LRP1B: variants seen among roughly 807,000 people sequenced by gnomAD.
The protein encoded by LRP1B is low-density lipoprotein receptor-related protein 1B.
Under a neutral mutation model 556.6 loss-of-function variants are expected in LRP1B, and 217 were observed. The observed-to-expected ratio is 0.39, with a 90% CI of 0.35 to 0.44. LRP1B has a LOEUF of 0.44. LRP1B is among the 20% of genes least tolerant of loss of function. The pLI, the probability that LRP1B is intolerant of heterozygous loss-of-function variation, is 1.00. For synonymous variants in LRP1B, 2,047 were observed against 1,865.8 expected (o/e 1.10, Z -2.50); for missense variants, 5,053 against 5,620.8 (o/e 0.90, Z 3.23).
At chr2:141,968,324 C>T (rs1278149724) in intron 1 of LRP1B, among the ~76,000 whole-genome samples, 2 of 151,640 alleles carry the variant, frequency 1.3e-5, no homozygotes, top group African/African-American at 4.8e-5. Context: ...TTAACAGTGC[C>T]CTTCTACTGC....
chr2:140,257,170 TTTAA>T (rs143237308), intron 86 of LRP1B, among the ~76,000 whole-genome samples: 5,946 of 152,220 alleles, frequency 0.039, 125 homozygotes, highest in South Asian at 0.083. Context: ...TAGGTTGAAG[TTTAA>T]TTAATCTAGT....
chr2:141,487,517 G>C (rs113424273), intron 2 of LRP1B, among the ~76,000 whole-genome samples: 1 of 152,200 alleles, frequency 6.6e-6, no homozygotes, highest in South Asian at 2.1e-4. Flanking sequence ...AAATTATAAT[G>C]GTTCTCAATT....
chr2:141,199,629 A>G (rs1419219745), intron 6 of LRP1B, among the ~76,000 whole-genome samples: 1 of 151,626 alleles, frequency 6.6e-6, no homozygotes, highest in Non-Finnish European at 1.5e-5. Context: ...AAAAAGGCAA[A>G]GACACTTATT....
chr2:141,011,071 C>CAGAGAGAG (rs143409764), intron 14 of LRP1B, among the ~76,000 whole-genome samples: 157 of 142,812 alleles, frequency 1.1e-3, no homozygotes, highest in Middle Eastern at 3.7e-3. Context: ...TGTATTCTCT[C>CAGAGAGAG]AGAGAGAGAG....
intron 1 of LRP1B, among the ~76,000 whole-genome samples, chr2:141,873,923 CTCTTT>C (rs1395604668): frequency 1.3e-5 from 2 of 151,756 alleles, no homozygotes; most frequent in African/African-American, 4.8e-5. Context: ...CTAGAACACT[CTCTTT>C]TAACAAGAAG....
At chr2:140,801,364 G>A (rs931548596) in intron 32 of LRP1B, among the ~76,000 whole-genome samples, 2 of 152,102 alleles carry the variant, frequency 1.3e-5, no homozygotes, top group African/African-American at 4.8e-5. Context: ...CACACTCAAG[G>A]AACAACAAGG....
intron 2 of LRP1B, among the ~76,000 whole-genome samples, chr2:141,695,925 G>T (rs1410720922): frequency 1.3e-5 from 2 of 151,800 alleles, no homozygotes; most frequent in Admixed American, 1.3e-4. Context: ...TCTGTTTATG[G>T]ATTGAAATAA....
At position 141,631,756 on chromosome 2, in the gene LRP1B, G is replaced by A. The variant is rs1052153063; in HGVS notation, c.206-151223C>T. Among the ~76,000 whole-genome samples the A allele has an allele frequency of 6.6e-5, 10 of 152,104 alleles. No individual in the cohort carries two copies. The East Asian group carries it at 1.7e-3, about 26-fold the overall frequency. On this transcript the variant is annotated intron_variant, in intron 2 of 90. Transcript: ENST00000389484. ...CTTCTTTGCTCTGCTTATTAAAGCAGCTTTTCTACATCTTTGATGGGATGC... is the reference window on the plus strand; with the variant it reads ...CTTCTTTGCTCTGCTTATTAAAGCAACTTTTCTACATCTTTGATGGGATGC...
At chr2:141,964,761 A>C (rs954257194) in intron 1 of LRP1B, among the ~76,000 whole-genome samples, 1 of 152,012 alleles carries the variant, frequency 6.6e-6, no homozygotes, top group Non-Finnish European at 1.5e-5. Flanking sequence ...TAATTAAACT[A>C]AAGAGCTTCT....
intron 18 of LRP1B, among the ~76,000 whole-genome samples, chr2:140,968,920 T>C (rs1302207457): frequency 1.3e-5 from 2 of 152,240 alleles, no homozygotes; most frequent in Non-Finnish European, 2.9e-5. Flanking sequence ...TCTGTTCTTT[T>C]ACATTTGCTG....
At chr2:142,090,222 T>G (rs888797896) in intron 1 of LRP1B, among the ~76,000 whole-genome samples, 8 of 152,148 alleles carry the variant, frequency 5.3e-5, no homozygotes, top group African/African-American at 1.9e-4. Flanking sequence ...ATATGTAATA[T>G]TTATAAACAT....
intron 57 of LRP1B, among the ~76,000 whole-genome samples, chr2:140,491,005 G>GT (rs573919773): frequency 6.6e-4 from 101 of 151,982 alleles, no homozygotes; most frequent in African/African-American, 7.0e-4. Context: ...ATCTTAAAAT[G>GT]TTTTTTTAAA....
At position 140,883,963 on chromosome 2, in the gene LRP1B, T is replaced by C. The variant is rs764843899; in HGVS notation, c.4023A>G (p.Thr1341=). Residue 1341 remains threonine (T), a synonymous_variant, in exon 25 of 91, where the codon ACA becomes ACG. Transcript: ENST00000389484. Reference sequence around the variant, plus strand: ...ATATGTTTCCTGCTATCCAGTCGACTGTCAGGCCTTCTGGAGTAGCCAGGC... The same window carrying C: ...ATATGTTTCCTGCTATCCAGTCGACCGTCAGGCCTTCTGGAGTAGCCAGGC... ...EHGLATPEGL[T]VDWIAGNIYW... is the part of the protein sequence containing the mutation. 2.5e-6 allele frequency: 4 copies of C among 1,613,468 alleles called. No homozygotes were observed. Among genetic ancestry groups the C allele is most frequent in the Admixed American group, 1.7e-5 (1 of 59,982 alleles).
chr2:141,501,788 G>A (rs1683721875), intron 2 of LRP1B, among the ~76,000 whole-genome samples: 2 of 152,186 alleles, frequency 1.3e-5, no homozygotes, highest in South Asian at 2.1e-4. Flanking sequence ...AAATTTGGCT[G>A]TAGCTACAGC....
chr2:141,321,392 A>T (rs780904015), intron 3 of LRP1B, among the ~76,000 whole-genome samples: 3 of 152,092 alleles, frequency 2.0e-5, no homozygotes, highest in Non-Finnish European at 4.4e-5. Context: ...ATAGTTTTGA[A>T]TTTTGCTATA....
chr2:141,186,078 C>CAAAAAAAAAAAAAAAAAAAAAAAAA (rs386391364), intron 7 of LRP1B, among the ~76,000 whole-genome samples: 1 of 77,608 alleles, frequency 1.3e-5, no homozygotes, highest in African/African-American at 5.0e-5. Flanking sequence ...GACTCTGTCT[C>CAAAAAAAAAAAAAAAAAAAAAAAAA]AAAAAAAAAA....
intron 49 of LRP1B, among the ~76,000 whole-genome samples, chr2:140,524,498 A>G (rs906703266): frequency 3.3e-5 from 5 of 151,912 alleles, no homozygotes; most frequent in African/African-American, 1.2e-4. Flanking sequence ...ATGCACTCAT[A>G]TATGTTTATT....
At chr2:141,529,122 G>A (rs566876048) in intron 2 of LRP1B, among the ~76,000 whole-genome samples, 29 of 152,298 alleles carry the variant, frequency 1.9e-4, no homozygotes, top group African/African-American at 6.3e-4. Flanking sequence ...CTGTGGCCTG[G>A]CCTTGTGTGC....
intron 43 of LRP1B, among the ~76,000 whole-genome samples, chr2:140,583,278 A>G (rs1342024535): frequency 1.4e-5 from 2 of 146,514 alleles, no homozygotes; most frequent in African/African-American, 5.1e-5. Context: ...AGGTTCAAGC[A>G]ATTCTCGTGC....
Sources: gnomAD v4.1 joint callset for allele counts (sites outside exome capture counted in the v4.1 genomes callset) on GRCh38, gnomAD v4.1.1 for gene constraint, MANE v1.5 for transcripts, NCBI Gene and HGNC (gene_info 2026-07-23, HGNC 2026-07-21) for gene names.